Variants in A2ML1 observed in about 807,000 individuals in gnomAD.
A2ML1 encodes the protein alpha-2-macroglobulin like 1.
A neutral mutation model predicts 181.9 loss-of-function variants in A2ML1; 161 were observed. The observed-to-expected ratio is 0.89, with a 90% CI of 0.78 to 1.01. A2ML1 has a LOEUF of 1.01. A2ML1 is among the 50% of genes least tolerant of loss of function. The pLI, the probability that A2ML1 is intolerant of heterozygous loss-of-function variation, is 0.00. For synonymous variants in A2ML1, 663 were observed against 666.8 expected (o/e 0.99, Z 0.09); for missense variants, 1,670 against 1,768.1 (o/e 0.94, Z 1.00).
chr12:8,883,163 C>A (rs953004163), intron 7 of A2ML1, among the ~76,000 whole-genome samples: 3 of 152,076 alleles, frequency 2.0e-5, no homozygotes, highest in Admixed American at 6.6e-5. Flanking sequence ...TCCTACAGCA[C>A]CTGTGATTCC....
chr12:8,864,135 T>A (rs541225103), intron 29 of A2ML1, 127 bp downstream of exon 29: 1 of 753,348 alleles, frequency 1.3e-6, no homozygotes, highest in Admixed American at 2.9e-5. Context: ...CTGTGAACAA[T>A]ATATGGAAGT....
Position 8,861,302 on chromosome 12 carries a change from G to A in A2ML1, c.3502+5G>A, listed in dbSNP as rs761136645. 4.3e-6 allele frequency: 7 copies of A among 1,613,712 alleles called. No homozygotes were observed. The highest frequency in any genetic ancestry group is 3.3e-5 in the Admixed American group (2 of 60,012). On this transcript the variant is annotated splice_donor_5th_base_variant and intron_variant, in intron 28 of 35. Coordinates refer to ENST00000299698, the MANE Select transcript of A2ML1 (RefSeq NM_144670.6). ...ATCAACAGGCTATCATCTCAGGTAT[G>A]TTGGTCCTGTTGAGAGTTCTTTGAA... is the stretch of plus-strand genomic sequence containing the variant.
downstream of A2ML1, among the ~76,000 whole-genome samples, chr12:8,881,425 G>A (rs747861452): frequency 1.3e-4 from 20 of 152,318 alleles, no homozygotes; most frequent in Admixed American, 3.9e-4. Context: ...GACCATTTTA[G>A]TAAGATTTGT....
At chr12:8,885,251 A>G (rs904186151) in intron 7 of A2ML1, among the ~76,000 whole-genome samples, 1 of 152,084 alleles carries the variant, frequency 6.6e-6, no homozygotes, top group African/African-American at 2.4e-5. Flanking sequence ...TTATTATTCT[A>G]TTTAAGAATC....
At chr12:8,884,242 TTTTG>T (rs1944899046) in intron 7 of A2ML1, among the ~76,000 whole-genome samples, 1 of 116,156 alleles carries the variant, frequency 8.6e-6, no homozygotes, top group African/African-American at 3.0e-5. Context: ...TTTTTTTTTG[TTTTG>T]TTTTTTTTTA....
intron 14 of A2ML1, among the ~76,000 whole-genome samples, chr12:8,847,101 T>A (rs1251044943): frequency 2.1e-4 from 28 of 130,474 alleles, no homozygotes; most frequent in Admixed American, 7.2e-5. Flanking sequence ...TGCCTGGCTT[T>A]TTTTTTTTTT....
chr12:8,867,772 T>C, intron 29 of A2ML1, 70 bp from the exon 30 acceptor site: 3 of 1,367,018 alleles, frequency 2.2e-6, no homozygotes, highest in Non-Finnish European at 3.1e-6. Flanking sequence ...ATGTGTGGGT[T>C]ATAGAGTTGT....
At chr12:8,829,231 C>T (rs942407751) in intron 3 of A2ML1, among the ~76,000 whole-genome samples, 2 of 152,198 alleles carry the variant, frequency 1.3e-5, no homozygotes, top group Non-Finnish European at 2.9e-5. Flanking sequence ...TATTCTGCCT[C>T]TTGCTCTGCC....
chr12:8,845,943 A>G (rs1410158146), intron 13 of A2ML1, 134 bp from the exon 14 acceptor site: 1 of 824,732 alleles, frequency 1.2e-6, no homozygotes, highest in Non-Finnish European at 1.8e-6. Context: ...CAGTTATCAC[A>G]GGAGAAGAGA....
In A2ML1 at chr12:8,852,107, G is replaced by A. The variant is rs1269514022; in HGVS notation, c.2463+95G>A. 3 of 1,588,394 alleles carry A rather than the reference G, an allele frequency of 1.9e-6. No homozygotes were observed. In the African/African-American group the frequency reaches 4.0e-5, roughly 21 times the overall value. ...AATTGGAAGCATCCCAATTTTCCCT[G>A]GGAAAGAGAGGAGATGTCGGCGTCT... On this transcript the variant is annotated intron_variant, in intron 19 of 35. Transcript: ENST00000299698. The surrounding 1 kb of genome is among the most constrained non-coding windows in gnomAD (Gnocchi z 4.2).
intron 28 of A2ML1, among the ~76,000 whole-genome samples, chr12:8,861,537 G>C (rs368744863): frequency 6.6e-6 from 1 of 152,104 alleles, no homozygotes; most frequent in East Asian, 1.9e-4. Context: ...GCCCAGGCTG[G>C]AGTGCAGTGG....
intron 34 of A2ML1, 56 bp downstream of exon 34, chr12:8,874,583 C>A: frequency 1.5e-6 from 2 of 1,353,174 alleles, no homozygotes; most frequent in Admixed American, 1.8e-5. Flanking sequence ...TCCCAACTTA[C>A]TTCTGCCTCA....
chr12:8,869,282 G>T, intron 33 of A2ML1, 79 bp downstream of exon 33: 9 of 1,425,508 alleles, frequency 6.3e-6, no homozygotes, highest in Non-Finnish European at 7.9e-6. Flanking sequence ...GTATATACGG[G>T]TGTCACACAC....
At chr12:8,881,008 C>T (rs1944865497), downstream of A2ML1, among the ~76,000 whole-genome samples, 1 of 152,114 alleles carries the variant, frequency 6.6e-6, no homozygotes, top group African/African-American at 2.4e-5. Context: ...TCTTAACTGA[C>T]CTGTTTTACA....
downstream of A2ML1, among the ~76,000 whole-genome samples, chr12:8,877,777 G>T (rs1592167660): frequency 1.3e-5 from 2 of 152,162 alleles, no homozygotes; most frequent in Admixed American, 6.6e-5. Flanking sequence ...GCAGTTTGGA[G>T]TTTTCTCAAA....
In A2ML1 at chr12:8,852,241, A is replaced by G. The variant is rs1275324253; in HGVS notation, c.2495A>G (p.Tyr832Cys). 1.2e-6 allele frequency: 2 copies of G among 1,614,144 alleles called. No homozygotes were observed. Among genetic ancestry groups the G allele is most frequent in the Non-Finnish European group, 8.5e-7 (1 of 1,180,042 alleles). ...ACTGACCTGGCTAAATCGCATGAGT[A>G]CCAGCTAGAATCATGGGCAGATTCT... ...VQTDLAKSHE[Y>C]QLESWADSQT... Residue 832 changes from tyrosine to cysteine, a missense_variant, in exon 20 of 36, where the codon TAC becomes TGC. Physicochemically the swap from Tyr to Cys is radical, Grantham distance 194. Coordinates refer to ENST00000299698, the MANE Select transcript of A2ML1 (RefSeq NM_144670.6). This position sits in a 1 kb window ranked among gnomAD's most constrained non-coding sequence, Gnocchi z 4.2.
At chr12:8,854,930 C>A in intron 22 of A2ML1, 99 bp downstream of exon 22, 4 of 1,333,876 alleles carry the variant, frequency 3.0e-6, no homozygotes, top group Non-Finnish European at 3.1e-6. Context: ...AGTCTCGCTC[C>A]GTCGTCCAGG....
intron 22 of A2ML1, 81 bp downstream of exon 22, chr12:8,854,912 T>G (rs1944011297): frequency 7.1e-7 from 1 of 1,401,300 alleles, no homozygotes; most frequent in Admixed American, 2.0e-5. Flanking sequence ...TTTTTTTTTT[T>G]GAGACGGAGT....
At chr12:8,851,672 C>T (rs1943892430) in intron 18 of A2ML1, 112 bp from the exon 19 acceptor site, 4 of 970,154 alleles carry the variant, frequency 4.1e-6, no homozygotes, top group African/African-American at 3.2e-5. Context: ...TCTCAAAGAG[C>T]TGGGATTACA....
Sources: allele counts gnomAD v4.1 joint callset (sites outside exome capture counted in the v4.1 genomes callset), GRCh38; gene constraint gnomAD v4.1.1; non-coding constraint Gnocchi (gnomAD v3.1); transcripts MANE v1.5; gene names NCBI Gene and HGNC (gene_info 2026-07-23, HGNC 2026-07-21).